DOCK7: variants seen among roughly 807,000 people sequenced by gnomAD.
DOCK7 encodes the protein dedicator of cytokinesis protein 7.
Under a neutral mutation model 271.0 loss-of-function variants are expected in DOCK7, and 138 were observed. That is an observed-to-expected ratio of 0.51 (90% confidence interval 0.44 to 0.59). DOCK7 has a LOEUF of 0.59. Ranked by LOEUF, DOCK7 falls within the 20% of genes least tolerant of loss-of-function variation. The probability of loss-of-function intolerance (pLI) is 0.00; values close to 1 mark genes in which losing one functional copy is unlikely to be tolerated. For missense variants in DOCK7, 2,066 were observed against 2,592.4 expected (o/e 0.80, Z 4.41); for synonymous variants, 823 against 876.1 (o/e 0.94, Z 1.07).
At chr1:62,525,541 T>TA (rs999968520) in intron 31 of DOCK7, among the ~76,000 whole-genome samples, 3 of 151,914 alleles carry the variant, frequency 2.0e-5, no homozygotes, top group Admixed American at 1.3e-4. Flanking sequence ...AAAGAAAAGT[T>TA]AAAAAAAATA....
chr1:62,633,489 A>G lies in DOCK7; in HGVS notation c.1116+9T>C, dbSNP rs1479648758. 6.3e-7 allele frequency: 1 copy of G among 1,593,118 alleles called. No individual in the cohort carries two copies. Among genetic ancestry groups the G allele is most frequent in the Admixed American group, 1.7e-5 (1 of 59,654 alleles). ...TAATGTGGCGGAAATGAGAAGCATA[A>G]CATTCTACCTTGGTGGCATCTGCTT... On this transcript the variant is annotated intron_variant, in intron 10 of 49. Coordinates refer to ENST00000635253, the MANE Select transcript of DOCK7 (RefSeq NM_001367561.1).
At chr1:62,624,874 G>A (rs1419290585) in intron 12 of DOCK7, among the ~76,000 whole-genome samples, 1 of 152,066 alleles carries the variant, frequency 6.6e-6, no homozygotes, top group African/African-American at 2.4e-5. Context: ...AGGAGGCTGA[G>A]GCAGGGAGAA....
Position 62,533,327 on chromosome 1 carries a change from T to C in DOCK7, c.3611+2166A>G, listed in dbSNP as rs529435453. 1.1e-4 allele frequency among the ~76,000 whole-genome samples: 17 copies of C among 152,320 alleles called. No individual in the cohort carries two copies. In the East Asian group the frequency reaches 1.9e-3, roughly 17 times the overall value. On this transcript the variant is annotated intron_variant, in intron 29 of 49. Transcript: ENST00000635253. Reference sequence around the variant, plus strand: ...CAGGTTCACATACCAAGTAAAAATATTGAAAATACAGATTCAAATGAGTGA... The same window carrying C: ...CAGGTTCACATACCAAGTAAAAATACTGAAAATACAGATTCAAATGAGTGA...
At chr1:62,455,601 C>A in intron 49 of DOCK7, 145 bp from the exon 50 acceptor site, 1 of 691,386 alleles carries the variant, frequency 1.4e-6, no homozygotes. Context: ...GCTCATCCTA[C>A]CTACTCTGCC....
intron 1 of DOCK7, 27 bp from the exon 2 acceptor site, chr1:62,663,157 G>A (rs375709665): frequency 4.4e-5 from 63 of 1,436,054 alleles, no homozygotes; most frequent in African/African-American, 8.8e-5. Context: ...AAAAACATAC[G>A]CATTATTGAA....
At chr1:62,487,363 T>C (rs1646323930) in intron 43 of DOCK7, 35 bp downstream of exon 43, 2 of 1,598,160 alleles carry the variant, frequency 1.3e-6, no homozygotes, top group East Asian at 4.5e-5. Context: ...AAAATCAATC[T>C]ATTAGTGTCT....
chr1:62,621,111 GAGA>G (rs1440103391), intron 12 of DOCK7, among the ~76,000 whole-genome samples: 3 of 151,868 alleles, frequency 2.0e-5, no homozygotes, highest in South Asian at 2.1e-4. Flanking sequence ...AGGTGAGGAG[GAGA>G]AGAAGGAAGA....
chr1:62,475,427 A>G, intron 46 of DOCK7, 76 bp from the exon 47 acceptor site: 1 of 1,465,476 alleles, frequency 6.8e-7, no homozygotes, highest in South Asian at 1.4e-5. Context: ...AATCAACTGA[A>G]ATTAGAAAAA....
chr1:62,642,861 C>T (rs1656206252), intron 7 of DOCK7, among the ~76,000 whole-genome samples: 2 of 152,134 alleles, frequency 1.3e-5, no homozygotes, highest in South Asian at 4.1e-4. Flanking sequence ...AAGTTATTTA[C>T]CTCATCATTT....
intron 14 of DOCK7, among the ~76,000 whole-genome samples, chr1:62,618,326 T>C (rs1265639777): frequency 2.0e-5 from 3 of 152,138 alleles, no homozygotes. Flanking sequence ...TGAGAAAACA[T>C]AGTAATTAGG....
intron 14 of DOCK7, chr1:62,601,935 G>A (rs938560345): frequency 1.0e-4 from 110 of 1,096,698 alleles, no homozygotes; most frequent in Non-Finnish European, 1.3e-4. Context: ...TACTCATTAC[G>A]TATTAGGAAG....
chr1:62,464,685 TAAACAA>T (rs1470982966), intron 48 of DOCK7, among the ~76,000 whole-genome samples: 3 of 150,832 alleles, frequency 2.0e-5, no homozygotes, highest in South Asian at 2.1e-4. Flanking sequence ...CCATCCCCCC[TAAACAA>T]AAACAAAAAC....
chr1:62,562,833 T>C (rs1646372803), intron 18 of DOCK7, among the ~76,000 whole-genome samples: 1 of 152,066 alleles, frequency 6.6e-6, no homozygotes, highest in African/African-American at 2.4e-5. Context: ...AAGAAAAGCC[T>C]GCTCTCTCTG....
chr1:62,661,191 T>A (rs1028633909), intron 2 of DOCK7, among the ~76,000 whole-genome samples: 1 of 151,638 alleles, frequency 6.6e-6, no homozygotes, highest in South Asian at 2.1e-4. Context: ...ACAAATACTG[T>A]ATGATTCCAC....
intron 17 of DOCK7, 108 bp downstream of exon 17, chr1:62,578,717 CAAA>C (rs33969170): frequency 6.6e-3 from 2,047 of 309,594 alleles, no homozygotes; most frequent in Middle Eastern, 0.014. Context: ...GACTCTGTCT[CAAA>C]AAAAAAAAAA....
intron 1 of DOCK7, 146 bp downstream of exon 1, chr1:62,688,081 G>C (rs1662042298): frequency 9.5e-7 from 1 of 1,057,484 alleles, no homozygotes; most frequent in South Asian, 4.5e-5. Flanking sequence ...CAGCCACCCC[G>C]AACCCCTTCC....
intron 44 of DOCK7, among the ~76,000 whole-genome samples, chr1:62,477,397 T>C (rs536440519): frequency 7.4e-4 from 113 of 152,264 alleles, no homozygotes; most frequent in African/African-American, 2.6e-3. Context: ...CTTTGTCTTT[T>C]TCAACAAAAT....
In DOCK7 at chr1:62,455,728, T is replaced by A. The variant is rs143223918; in HGVS notation, c.6381-272A>T. On this transcript the variant is annotated intron_variant, in intron 49 of 49. Coordinates refer to ENST00000635253, the MANE Select transcript of DOCK7 (RefSeq NM_001367561.1). ...ATATTGTAATAAACAAGACAAGGAC[T>A]TAAGGGATAATGGGAGAGATTTTAG... 1.8e-3 allele frequency among the ~76,000 whole-genome samples: 278 copies of A among 152,326 alleles called. 1 individual carries two copies. The highest frequency in any genetic ancestry group is 6.5e-3 in the African/African-American group (270 of 41,568).
intron 18 of DOCK7, among the ~76,000 whole-genome samples, chr1:62,563,813 C>A (rs1646414897): frequency 7.2e-6 from 1 of 138,682 alleles, no homozygotes; most frequent in Admixed American, 7.7e-5. Flanking sequence ...ACCTCATGGC[C>A]AAAGGCACAC....
Sources: gnomAD v4.1 joint callset for allele counts (sites outside exome capture counted in the v4.1 genomes callset) on GRCh38, gnomAD v4.1.1 for gene constraint, MANE v1.5 for transcripts, NCBI Gene and HGNC (gene_info 2026-07-23, HGNC 2026-07-21) for gene names.